Variants in NEDD4L observed in about 807,000 individuals in gnomAD.
NEDD4L encodes the protein E3 ubiquitin-protein ligase NEDD4-like.
A neutral mutation model predicts 148.9 loss-of-function variants in NEDD4L; 54 were observed. That is an observed-to-expected ratio of 0.36 (90% CI 0.29 to 0.45). The LOEUF is 0.45. NEDD4L is among the 20% of genes least tolerant of loss of function. The pLI is 1.00. For missense variants in NEDD4L, 856 were observed against 1,233.8 expected, an observed-to-expected ratio of 0.69 and a Z score of 4.59; for synonymous variants, 433 against 440.7, an observed-to-expected ratio of 0.98 and a Z score of 0.22.
intron 1 of NEDD4L, among the ~76,000 whole-genome samples, chr18:58,070,608 G>A (rs969513425): frequency 2.6e-5 from 4 of 152,000 alleles, no homozygotes; most frequent in Admixed American, 6.6e-5. Context: ...CTGCTGTGGC[G>A]ATCTTGAGGC....
intron 18 of NEDD4L, among the ~76,000 whole-genome samples, chr18:58,352,673 G>A (rs1357360919): frequency 1.3e-5 from 2 of 152,066 alleles, no homozygotes; most frequent in East Asian, 1.9e-4. Flanking sequence ...AAAGAAAAAA[G>A]TTTCCTTTAT....
intron 1 of NEDD4L, among the ~76,000 whole-genome samples, chr18:58,121,913 C>G (rs1339577104): frequency 2.0e-5 from 3 of 152,172 alleles, no homozygotes; most frequent in African/African-American, 4.8e-5. Flanking sequence ...CCTTTGAGAC[C>G]TTTTTCTCTG....
At position 58,390,830 on chromosome 18, in the gene NEDD4L, T is replaced by C. The variant is rs968870254; in HGVS notation, c.2752+88T>C. On this transcript the variant is annotated intron_variant, in intron 29 of 30. Coordinates refer to ENST00000400345, the MANE Select transcript of NEDD4L (RefSeq NM_001144967.3). ...GGCCCAAGAACCCTGCCGCCAGGCC[T>C]CTGCAGAAGGCTAAGTTTCAGGACA... The C allele has an allele frequency of 3.4e-6, 3 of 894,930 alleles. No individual in the cohort carries two copies. The Admixed American group carries it at 6.0e-5, about 18-fold the overall frequency. The allele number at this position is 894,930 out of a possible 1,614,324, so 55.4% of individuals were successfully genotyped here. A position where few individuals can be genotyped will look rare whatever the true frequency, so the allele number is the denominator to read the frequency against.
At position 58,389,201 on chromosome 18, in the gene NEDD4L, G is replaced by C; in HGVS notation, c.2655+9G>C. 2 of 1,603,376 alleles carry C rather than the reference G, an allele frequency of 1.2e-6. No individual in the cohort carries two copies. The highest frequency in any genetic ancestry group is 1.7e-6 in the Non-Finnish European group (2 of 1,170,970). On this transcript the variant is annotated intron_variant, in intron 28 of 30. Transcript: ENST00000400345. ...TTCAGTGGTTCTGGAAGGTAACTCC[G>C]GGGCCCAGCCCCAGCCGGTGTCCTC...
intron 22 of NEDD4L, among the ~76,000 whole-genome samples, chr18:58,369,846 G>A (rs570054628): frequency 6.6e-6 from 1 of 152,308 alleles, no homozygotes; most frequent in Admixed American, 6.5e-5. Context: ...CCCTCTCCGG[G>A]GCCTTCCCCA....
At chr18:58,333,627 T>A (rs1054833809) in intron 11 of NEDD4L, among the ~76,000 whole-genome samples, 191 bp from the exon 12 acceptor site, 1 of 152,242 alleles carries the variant, frequency 6.6e-6, no homozygotes, top group African/African-American at 2.4e-5. Flanking sequence ...TCCAGTCTGC[T>A]TAACTGAAAA....
chr18:58,367,419 C>T (rs1257820220), intron 21 of NEDD4L, among the ~76,000 whole-genome samples: 1 of 152,288 alleles, frequency 6.6e-6, no homozygotes, highest in East Asian at 1.9e-4. Flanking sequence ...TTTGGGAATC[C>T]CTGCACAGCC....
chr18:58,048,850 CTACTTT>C (rs1476453989), intron 1 of NEDD4L, among the ~76,000 whole-genome samples: 1 of 152,212 alleles, frequency 6.6e-6, no homozygotes, highest in Non-Finnish European at 1.5e-5. Context: ...GCAGTCACCA[CTACTTT>C]CTGTTGTCTT....
At chr18:58,254,953 C>T (rs758449767) in intron 5 of NEDD4L, among the ~76,000 whole-genome samples, 1 of 152,328 alleles carries the variant, frequency 6.6e-6, no homozygotes, top group Non-Finnish European at 1.5e-5. Flanking sequence ...TATTAGTTTG[C>T]ATTCCATCCT....
intron 5 of NEDD4L, among the ~76,000 whole-genome samples, chr18:58,284,357 C>G (rs1264693941): frequency 6.6e-6 from 1 of 151,784 alleles, no homozygotes; most frequent in Non-Finnish European, 1.5e-5. Context: ...TTTTTTTTTC[C>G]TCAAAGTAGC....
chr18:58,086,721 C>T (rs2083778785), intron 1 of NEDD4L, among the ~76,000 whole-genome samples: 1 of 152,138 alleles, frequency 6.6e-6, no homozygotes, highest in African/African-American at 2.4e-5. Flanking sequence ...GAGGAATAAT[C>T]TTGAAATGAT....
At chr18:58,311,501 A>G (rs1773138656) in intron 5 of NEDD4L, among the ~76,000 whole-genome samples, 1 of 152,140 alleles carries the variant, frequency 6.6e-6, no homozygotes, top group African/African-American at 2.4e-5. Context: ...ACCTGTGGGT[A>G]GCCCTTACTT....
At chr18:58,126,654 G>A (rs2031159471) in intron 1 of NEDD4L, among the ~76,000 whole-genome samples, 1 of 152,196 alleles carries the variant, frequency 6.6e-6, no homozygotes, top group Admixed American at 6.5e-5. Flanking sequence ...TGGAGTTACG[G>A]TAACTCTACA....
chr18:58,186,087 A>G (rs1483412652), intron 2 of NEDD4L, among the ~76,000 whole-genome samples: 1 of 140,584 alleles, frequency 7.1e-6, no homozygotes, highest in Non-Finnish European at 1.5e-5. Context: ...ACGCACACAG[A>G]GAAGGATACG....
At chr18:58,083,160 A>G (rs970837202) in intron 1 of NEDD4L, among the ~76,000 whole-genome samples, 4 of 152,224 alleles carry the variant, frequency 2.6e-5, no homozygotes, top group South Asian at 2.1e-4. Context: ...ATGAACAGAA[A>G]AGATCAGTGA....
At chr18:58,195,828 C>T in intron 2 of NEDD4L, 1 of 727,398 alleles carries the variant, frequency 1.4e-6, no homozygotes, top group South Asian at 1.4e-5. Flanking sequence ...TTAGCTTTAA[C>T]CCAAATGTGC....
chr18:58,291,460 G>C (rs1490527656), intron 5 of NEDD4L, among the ~76,000 whole-genome samples: 1 of 152,192 alleles, frequency 6.6e-6, no homozygotes, highest in Non-Finnish European at 1.5e-5. Context: ...GTAGTGCAAT[G>C]AATCTAGCAC....
At chr18:58,371,012 A>G (rs1044097226) in intron 23 of NEDD4L, among the ~76,000 whole-genome samples, 1 of 151,926 alleles carries the variant, frequency 6.6e-6, no homozygotes, top group Non-Finnish European at 1.5e-5. Context: ...TAGACAGACC[A>G]TTTTAGAGTT....
At chr18:58,070,676 G>A (rs750369248) in intron 1 of NEDD4L, among the ~76,000 whole-genome samples, 3 of 151,998 alleles carry the variant, frequency 2.0e-5, no homozygotes, top group Non-Finnish European at 4.4e-5. Flanking sequence ...GCAGAGTGTT[G>A]AAGGCATGCC....
Sources: gnomAD v4.1 joint callset for allele counts (sites outside exome capture counted in the v4.1 genomes callset) on GRCh38, gnomAD v4.1.1 for gene constraint, MANE v1.5 for transcripts, NCBI Gene and HGNC (gene_info 2026-07-23, HGNC 2026-07-21) for gene names.